The following CPM variants were observed in gnomAD, a reference collection of about 807,000 sequenced individuals.
The protein encoded by CPM is renal carboxypeptidase.
A neutral mutation model predicts 46.4 loss-of-function variants in CPM; 35 were observed. The observed-to-expected ratio is 0.75, with a 90% CI of 0.58 to 1.00. The LOEUF is 1.00. Ranked by LOEUF, CPM falls within the 50% of genes least tolerant of loss-of-function variation. CPM has a pLI of 0.00. For synonymous variants in CPM, 195 were observed against 195.3 expected (o/e 1.00, Z 0.01); for missense variants, 422 against 530.4 (o/e 0.80, Z 2.01).
Position 68,855,501 on chromosome 12 carries a change from T to G in CPM, c.*936A>C, listed in dbSNP as rs1884923108. 6.6e-6 allele frequency: 1 copy of G among 152,170 alleles called. No individual in the cohort carries two copies. The highest frequency in any genetic ancestry group is 2.4e-5 in the African/African-American group (1 of 41,440). The allele number at this position is 152,170 out of a possible 1,614,324, so 9.4% of individuals were successfully genotyped here. On this transcript the variant is annotated 3_prime_UTR_variant, in exon 9 of 9. Coordinates refer to ENST00000551568, the MANE Select transcript of CPM (RefSeq NM_198320.5). ...CGGCTCTGGAGAGAGAGGGGCTTTCTTAATTGACCTGTATGCTTTGAAGCT... is the reference window on the plus strand; with the variant it reads ...CGGCTCTGGAGAGAGAGGGGCTTTCGTAATTGACCTGTATGCTTTGAAGCT...
intron 8 of CPM, among the ~76,000 whole-genome samples, chr12:68,858,272 G>A (rs1027247781): frequency 6.6e-6 from 1 of 152,132 alleles, no homozygotes; most frequent in Non-Finnish European, 1.5e-5. Flanking sequence ...CAAAGAGAAA[G>A]AGGCAAAATC....
chr12:68,865,730 T>C (rs1885413076), intron 7 of CPM, among the ~76,000 whole-genome samples: 1 of 152,102 alleles, frequency 6.6e-6, no homozygotes, highest in Non-Finnish European at 1.5e-5. Context: ...TGGAGAAAGA[T>C]AACTTCACCT....
intron 1 of CPM, among the ~76,000 whole-genome samples, chr12:68,940,453 TC>T (rs906075920): frequency 6.7e-6 from 1 of 149,534 alleles, no homozygotes; most frequent in Admixed American, 6.8e-5. Flanking sequence ...CCTCTCTCCC[TC>T]CCCCAGATTT....
upstream of CPM, among the ~76,000 whole-genome samples, chr12:68,937,519 C>A (rs188502443): frequency 2.6e-5 from 4 of 152,154 alleles, no homozygotes; most frequent in East Asian, 7.7e-4. Context: ...GTTAAGACAC[C>A]CTGGGTTAAA....
At chr12:68,957,118 A>G (rs1889033347) in intron 1 of CPM, among the ~76,000 whole-genome samples, 1 of 152,180 alleles carries the variant, frequency 6.6e-6, no homozygotes, top group African/African-American at 2.4e-5. Context: ...CTTTATTTGT[A>G]AAATCGTAGA....
At chr12:68,942,479 C>T (rs552049237) in intron 1 of CPM, among the ~76,000 whole-genome samples, 1 of 152,166 alleles carries the variant, frequency 6.6e-6, no homozygotes, top group Admixed American at 6.5e-5. Context: ...CACTATTGTC[C>T]CTTGTTGGCA....
chr12:68,879,852 G>A (rs1259797042), intron 3 of CPM, among the ~76,000 whole-genome samples: 1 of 152,092 alleles, frequency 6.6e-6, no homozygotes, highest in African/African-American at 2.4e-5. Context: ...ATTTTCCCAG[G>A]CTTCTCTTCT....
intron 2 of CPM, among the ~76,000 whole-genome samples, chr12:68,924,002 T>G (rs1888146583): frequency 6.6e-6 from 1 of 152,124 alleles, no homozygotes; most frequent in African/African-American, 2.4e-5. Context: ...CATCTTACCC[T>G]ATGGAGGACA....
chr12:68,934,581 CT>C (rs971326270), upstream of CPM, among the ~76,000 whole-genome samples: 5 of 152,006 alleles, frequency 3.3e-5, no homozygotes, highest in African/African-American at 9.7e-5. Context: ...TGAACTCATC[CT>C]TTTTTATGGC....
In CPM at chr12:68,852,556, C is replaced by A. The variant is rs1054365109; in HGVS notation, c.*3881G>T. The A allele has an allele frequency of 2.8e-5, 4 of 140,710 alleles. No individual in the cohort carries two copies. Among genetic ancestry groups the A allele is most frequent in the Non-Finnish European group, 4.6e-5 (3 of 65,258 alleles). The allele number at this position is 140,710 out of a possible 1,614,324, so 8.7% of individuals were successfully genotyped here. The stretch of plus-strand genomic sequence containing the variant: ...TGCCTTTTTTCTTTCTTTCTTTTTT[C>A]TTTTTTTTTTTTTGAGACAGAGGTT... On this transcript the variant is annotated 3_prime_UTR_variant, in exon 9 of 9. Transcript: ENST00000551568.
intron 3 of CPM, among the ~76,000 whole-genome samples, chr12:68,881,163 C>T (rs1197784965): frequency 6.6e-6 from 1 of 152,216 alleles, no homozygotes; most frequent in Non-Finnish European, 1.5e-5. Flanking sequence ...TCAAATGAAC[C>T]TATCGTCACA....
intron 2 of CPM, among the ~76,000 whole-genome samples, chr12:68,930,328 C>T (rs1305332956): frequency 1.2e-4 from 19 of 152,200 alleles, no homozygotes; most frequent in Non-Finnish European, 2.4e-4. Context: ...GTGATCCTCC[C>T]GCCTCGGCCT....
intron 2 of CPM, among the ~76,000 whole-genome samples, chr12:68,913,126 T>C (rs1284304255): frequency 6.6e-6 from 1 of 152,182 alleles, no homozygotes; most frequent in African/African-American, 2.4e-5. Context: ...TGTTGTTGTC[T>C]AGTGTACAGT....
At chr12:68,897,631 G>A (rs914026593) in intron 2 of CPM, among the ~76,000 whole-genome samples, 1 of 151,654 alleles carries the variant, frequency 6.6e-6, no homozygotes, top group Admixed American at 6.6e-5. Flanking sequence ...CAGCTACTCA[G>A]GAGGCTTGGG....
At position 68,856,355 on chromosome 12, in the gene CPM, AGAGT is replaced by A; in HGVS notation, c.*78_*81del. The A allele has an allele frequency of 2.1e-6, 3 of 1,461,928 alleles. No individual in the cohort carries two copies. The highest frequency in any genetic ancestry group is 2.8e-6 in the Non-Finnish European group (3 of 1,075,132). The allele number at this position is 1,461,928 out of a possible 1,614,324, so 90.6% of individuals were successfully genotyped here. A position where few individuals can be genotyped will look rare whatever the true frequency, so the allele number is the denominator to read the frequency against. On this transcript the variant is annotated 3_prime_UTR_variant, in exon 9 of 9. Transcript: ENST00000551568. ...GAGTTTCTCCAGTCAAGGTCCCACTAGAGTGAGTTAGGGTTGCAGTAACCTGGAG... is the reference window on the plus strand; with the variant it reads ...GAGTTTCTCCAGTCAAGGTCCCACTAGAGTTAGGGTTGCAGTAACCTGGAG...
At chr12:68,898,962 G>T (rs2136275481) in intron 2 of CPM, among the ~76,000 whole-genome samples, 2 of 152,304 alleles carry the variant, frequency 1.3e-5, no homozygotes, top group South Asian at 4.1e-4. Flanking sequence ...GTACAAATTG[G>T]CTGATGACAA....
At chr12:68,887,835 A>G (rs972644311) in intron 2 of CPM, among the ~76,000 whole-genome samples, 4 of 152,198 alleles carry the variant, frequency 2.6e-5, no homozygotes, top group African/African-American at 9.6e-5. Flanking sequence ...AGCCTTACAG[A>G]TGCAGGGTTT....
At chr12:68,907,948 C>T (rs1253888567) in intron 2 of CPM, among the ~76,000 whole-genome samples, 3 of 152,158 alleles carry the variant, frequency 2.0e-5, no homozygotes, top group Non-Finnish European at 4.4e-5. Flanking sequence ...CCTGCTTCAG[C>T]TTCCCAAGTA....
chr12:68,896,951 G>A (rs1394015103), intron 2 of CPM, among the ~76,000 whole-genome samples: 2 of 151,762 alleles, frequency 1.3e-5, no homozygotes, highest in African/African-American at 2.4e-5. Flanking sequence ...GCTGCATTGG[G>A]TTGCAATAAA....
Sources: allele counts gnomAD v4.1 joint callset (sites outside exome capture counted in the v4.1 genomes callset), GRCh38; gene constraint gnomAD v4.1.1; transcripts MANE v1.5; gene names NCBI Gene and HGNC (gene_info 2026-07-23, HGNC 2026-07-21).